The following SH2D5 variants were observed in gnomAD, a reference collection of about 807,000 sequenced individuals.
SH2D5 encodes the protein SH2 domain-containing protein 5.
SH2D5 carries 45 observed loss-of-function variants against 48.2 expected under a neutral mutation model. The observed-to-expected ratio is 0.93, with a 90% CI of 0.73 to 1.20. The LOEUF (loss-of-function observed/expected upper bound fraction) is 1.20. Ranked by LOEUF, SH2D5 falls within the 50% of genes most tolerant of loss-of-function variation. The pLI, the probability that SH2D5 is intolerant of heterozygous loss-of-function variation, is 0.00. For missense variants in SH2D5, 538 were observed against 584.1 expected, an observed-to-expected ratio of 0.92 and a Z score of 0.81; for synonymous variants, 230 against 249.8, an observed-to-expected ratio of 0.92 and a Z score of 0.75.
intron 9 of SH2D5, among the ~76,000 whole-genome samples, 163 bp from the exon 10 acceptor site, chr1:20,722,158 C>G (rs1642054688): frequency 6.6e-6 from 1 of 152,246 alleles, no homozygotes; most frequent in South Asian, 2.1e-4. Context: ...TTCCCTCTCT[C>G]TCTTCCCAGC....
At position 20,721,992 on chromosome 1, in the gene SH2D5, G is replaced by A; in HGVS notation, c.1072C>T (p.Leu358=). Residue 358 remains leucine, a synonymous_variant, in exon 10 of 10, where the codon CTG becomes TTG. Transcript: ENST00000444387. ...NHLGRYCLEH[L]PAEFPSLEAL... is the part of the protein sequence containing the mutation. Reference sequence around the variant, plus strand: ...TCCAGGCTGGGGAACTCTGCCGGCAGGTGCTAGGGGAGGAAGGGACTTCAG... The same window carrying A: ...TCCAGGCTGGGGAACTCTGCCGGCAAGTGCTAGGGGAGGAAGGGACTTCAG... The A allele has an allele frequency of 1.2e-6, 2 of 1,612,282 alleles. No homozygotes were observed. The highest frequency in any genetic ancestry group is 1.7e-6 in the Non-Finnish European group (2 of 1,179,526).
At chr1:20,730,937 T>C (rs2054896363) in intron 1 of SH2D5, 1 of 152,086 alleles carries the variant, frequency 6.6e-6, no homozygotes, top group African/African-American at 2.4e-5. Context: ...CATAGCTGAG[T>C]TGTGTCAGGG....
intron 4 of SH2D5, among the ~76,000 whole-genome samples, chr1:20,726,729 G>A (rs1216805439): frequency 6.6e-6 from 1 of 152,162 alleles, no homozygotes; most frequent in Non-Finnish European, 1.5e-5. Context: ...GCCTCAGTGG[G>A]CTGGATGTTC....
Position 20,724,361 on chromosome 1 carries a change from TCCACTGCCCACTCCTTGG to T in SH2D5, c.630+17_630+34del, listed in dbSNP as rs1196221989. 6.2e-7 allele frequency: 1 copy of T among 1,607,222 alleles called. No homozygotes were observed. The highest frequency in any genetic ancestry group is 1.1e-5 in the South Asian group (1 of 90,668). On this transcript the variant is annotated intron_variant, in intron 6 of 9. Coordinates refer to ENST00000444387, the MANE Select transcript of SH2D5 (RefSeq NM_001103161.2). The stretch of plus-strand genomic sequence containing the variant: ...CCCAAACCCATACCCAGTTCCCTTG[TCCACTGCCCACTCCTTGG>T]CTGGGGTGCTGCGTACCCCACTGCC...
rs2054690897 is a variant in SH2D5, at chr1:20,721,806, G to A, written c.1258C>T (p.Gln420Ter). 1.9e-6 allele frequency: 3 copies of A among 1,584,836 alleles called. No individual in the cohort carries two copies. The highest frequency in any genetic ancestry group is 1.7e-6 in the Non-Finnish European group (2 of 1,164,354). The change falls in exon 10 of 10, where the codon CAG (glutamine) becomes TAG (stop). Residue 420 changes from glutamine (Q) to a stop codon, truncating the protein, a stop_gained. Transcript: ENST00000444387. LOFTEE classifies it high-confidence loss of function. ...LSHAKSEAEL[Q>*]GLG ...GGCCCTACCTCTTAGCCCAGGCCCT[G>A]CAGCTCTGCCTCGGACTTGGCATGG... is the stretch of plus-strand genomic sequence containing the variant.
rs200694409 is a variant in SH2D5 at position 20,724,184 on chromosome 1, G to A, written c.698C>T (p.Thr233Met). Residue 233 changes from threonine (T) to methionine (M), a missense_variant, in exon 7 of 10, where the codon ACG (threonine) becomes ATG (methionine). By Grantham distance (81) the Thr-to-Met change is moderately conservative (BLOSUM62 -1). Coordinates refer to ENST00000444387, the MANE Select transcript of SH2D5 (RefSeq NM_001103161.2). ...GCGAATGGCCTTCTTGCGCACCAGC[G>A]TGGGCGAGCAGTAGGGATTCCCCAG... Reference protein sequence around the residue: ...ARLGNPYCSPTLVRKKAIRSK... With the variant: ...ARLGNPYCSPMLVRKKAIRSK... 3.7e-5 allele frequency: 60 copies of A among 1,612,988 alleles called. No individual in the cohort carries two copies. The highest frequency in any genetic ancestry group is 3.3e-4 in the East Asian group (15 of 44,866).
At chr1:20,725,711 G>A (rs2054784952) in intron 5 of SH2D5, among the ~76,000 whole-genome samples, 1 of 152,168 alleles carries the variant, frequency 6.6e-6, no homozygotes, top group Admixed American at 6.5e-5. Flanking sequence ...CCAGATTCCC[G>A]CCCCTGGGCC....
chr1:20,730,280 G>C (rs1339139455), intron 1 of SH2D5, among the ~76,000 whole-genome samples: 1 of 144,024 alleles, frequency 6.9e-6, no homozygotes, highest in Non-Finnish European at 1.5e-5. Context: ...GGGAGGAGAG[G>C]GGAAGGGCAC....
chr1:20,722,733 C>A, intron 9 of SH2D5, 23 bp downstream of exon 9: 1 of 1,434,138 alleles, frequency 7.0e-7, no homozygotes. Flanking sequence ...GGGCCCAGGC[C>A]CCTCTGGCTG....
rs777482078 is a variant in SH2D5 at position 20,724,135 on chromosome 1, G to C, written c.747C>G (p.Ala249=). 52 of 1,612,866 alleles carry C rather than the reference G, an allele frequency of 3.2e-5. No individual in the cohort carries two copies. The highest frequency in any genetic ancestry group is 4.2e-5 in the Non-Finnish European group (50 of 1,179,914). Residue 249 remains alanine, a synonymous_variant, in exon 7 of 10, where the codon GCC becomes GCG. Transcript: ENST00000444387. ...GGGTCTCATAGGTGCAGCCGCGGTA[G>C]GCCCCCGAGCGGATCACCTTGCTGC... ...AIRSKVIRSG[A]YRGCTYETQL... is the part of the protein sequence containing the mutation.
At position 20,732,236 on chromosome 1, in the gene SH2D5, G is replaced by A. The variant is rs1054960091; in HGVS notation, c.-98C>T. 2.0e-5 allele frequency: 3 copies of A among 152,046 alleles called. No individual in the cohort carries two copies. Among genetic ancestry groups the A allele is most frequent in the Non-Finnish European group, 4.4e-5 (3 of 67,996 alleles). The allele number at this position is 152,046 out of a possible 1,614,324, so 9.4% of individuals were successfully genotyped here. A position where few individuals can be genotyped will look rare whatever the true frequency, so the allele number is the denominator to read the frequency against. ...GCCGCACCACCCAATCAGCGGCCGCGAGGGGCCCTGGCACTGCCCACGCCC... is the reference window on the plus strand; with the variant it reads ...GCCGCACCACCCAATCAGCGGCCGCAAGGGGCCCTGGCACTGCCCACGCCC... On this transcript the variant is annotated 5_prime_UTR_variant, in exon 1 of 10. Transcript: ENST00000444387. The surrounding 1 kb of genome is among the most constrained non-coding windows in gnomAD (Gnocchi z 5.1).
chr1:20,731,920 G>A (rs1280208750), intron 1 of SH2D5, among the ~76,000 whole-genome samples: 1 of 151,966 alleles, frequency 6.6e-6, no homozygotes, highest in African/African-American at 2.4e-5. Flanking sequence ...CGGGTGACGG[G>A]CGCCCCTCAC....
chr1:20,724,774 T>G, intron 5 of SH2D5, 139 bp from the exon 6 acceptor site: 2 of 1,113,904 alleles, frequency 1.8e-6, no homozygotes, highest in Non-Finnish European at 2.5e-6. Flanking sequence ...CTGGGAAAGC[T>G]CCTACTTACC....
At position 20,724,446 on chromosome 1, in the gene SH2D5, C is replaced by T; in HGVS notation, c.580G>A (p.Ala194Thr). ...GRDQLSQNVH[A>T]LVSFRRLPAE... ...GGCAGCCGCCGAAAGGAGACCAGGGCATGGACGTTCTGAGAGAGCTGATCA... is the reference window on the plus strand; with the variant it reads ...GGCAGCCGCCGAAAGGAGACCAGGGTATGGACGTTCTGAGAGAGCTGATCA... Residue 194 changes from alanine (A) to threonine (T), a missense_variant, in exon 6 of 10, where the codon GCC becomes ACC. Ala to Thr is a moderately conservative substitution (Grantham distance 58). Coordinates refer to ENST00000444387, the MANE Select transcript of SH2D5 (RefSeq NM_001103161.2). 6.2e-7 allele frequency: 1 copy of T among 1,613,002 alleles called. No individual in the cohort carries two copies. The highest frequency in any genetic ancestry group is 8.5e-7 in the Non-Finnish European group (1 of 1,180,014).
Position 20,723,779 on chromosome 1 carries a change from C to T in SH2D5, c.800-45G>A, listed in dbSNP as rs754066558. ...GTCAGAAGGAGAGTGGCCGAGCCCT[C>T]CCATTCCCTGCGGCCGCAGGCCTCA... On this transcript the variant is annotated intron_variant, in intron 7 of 9. Transcript: ENST00000444387. The T allele has an allele frequency of 2.0e-5, 30 of 1,506,804 alleles. No homozygotes were observed. In the Admixed American group the frequency reaches 2.5e-4, roughly 12 times the overall value. 93.3% of individuals were successfully genotyped at this position (1,506,804 alleles called of 1,614,324 possible).
chr1:20,727,155 AAAG>A, intron 3 of SH2D5, 80 bp from the exon 4 acceptor site: 1 of 1,263,366 alleles, frequency 7.9e-7, no homozygotes, highest in Non-Finnish European at 1.1e-6. Context: ...ACCATCCACC[AAAG>A]GCTGGTCAGC....
chr1:20,731,786 C>G (rs1416627351), intron 1 of SH2D5, among the ~76,000 whole-genome samples: 1 of 152,094 alleles, frequency 6.6e-6, no homozygotes, highest in Non-Finnish European at 1.5e-5. Flanking sequence ...TGCGCTACCT[C>G]GCTCGGGGCG....
intron 1 of SH2D5, among the ~76,000 whole-genome samples, chr1:20,731,829 C>G (rs1441439951): frequency 6.6e-6 from 1 of 152,034 alleles, no homozygotes; most frequent in East Asian, 1.9e-4. Context: ...CCGGCAGAGT[C>G]CCCGGACCCA....
Position 20,727,953 on chromosome 1 carries a change from C to T in SH2D5, c.87+5G>A. ...AGCACACCTGGACAGGGTGGCCCCA[C>T]CCACCTGGGCAAACTTGGTGATGCA... is the stretch of plus-strand genomic sequence containing the variant. On this transcript the variant is annotated splice_donor_5th_base_variant and intron_variant, in intron 2 of 9. Transcript: ENST00000444387. The T allele has an allele frequency of 6.4e-7, 1 of 1,565,666 alleles. No homozygotes were observed. Among genetic ancestry groups the T allele is most frequent in the Non-Finnish European group, 8.7e-7 (1 of 1,154,554 alleles).
Sources: allele counts gnomAD v4.1 joint callset (sites outside exome capture counted in the v4.1 genomes callset), GRCh38; gene constraint gnomAD v4.1.1; non-coding constraint Gnocchi (gnomAD v3.1); transcripts MANE v1.5; gene names NCBI Gene and HGNC (gene_info 2026-07-23, HGNC 2026-07-21).